Variants in FMN1 observed in about 807,000 individuals in gnomAD.
The protein encoded by FMN1 is formin-1.
In FMN1, 110 loss-of-function variants were observed where a neutral mutation model predicts 132.4. The observed-to-expected ratio is 0.83, with a 90% CI of 0.71 to 0.97. FMN1 has a LOEUF of 0.97. Among genes scored for constraint, FMN1 ranks in the 50% least tolerant of loss-of-function variants. FMN1 has a pLI of 0.00. For synonymous variants in FMN1, 722 were observed against 651.7 expected, an observed-to-expected ratio of 1.11 and a Z score of -1.64; for missense variants, 1,792 against 1,705.3, an observed-to-expected ratio of 1.05 and a Z score of -0.90.
At chr15:33,120,552 G>C (rs1902151) in intron 4 of FMN1, among the ~76,000 whole-genome samples, 48,033 of 152,040 alleles carry the variant, frequency 0.32, 9,379 homozygotes, top group South Asian at 0.42. Context: ...GCCAACCCCA[G>C]AGATTACTAT....
chr15:32,958,991 C>T (rs542087831), intron 9 of FMN1, among the ~76,000 whole-genome samples: 2 of 144,684 alleles, frequency 1.4e-5, no homozygotes, highest in South Asian at 4.5e-4. Flanking sequence ...TGCAGTGAGC[C>T]GAGATCACAC....
intron 5 of FMN1, among the ~76,000 whole-genome samples, chr15:33,077,339 CTT>C (rs1286397800): frequency 3.9e-5 from 5 of 128,032 alleles, no homozygotes; most frequent in South Asian, 2.7e-4. Flanking sequence ...CCGGCCCATC[CTT>C]TTTTTTTTTT....
chr15:32,776,679 C>T (rs950423460), intron 20 of FMN1, among the ~76,000 whole-genome samples, 156 bp downstream of exon 20: 1 of 148,848 alleles, frequency 6.7e-6, no homozygotes, highest in South Asian at 2.1e-4. Context: ...TACCTCCACC[C>T]ACACATACTT....
intron 19 of FMN1, among the ~76,000 whole-genome samples, chr15:32,785,503 C>T (rs1047511906): frequency 2.0e-5 from 3 of 151,844 alleles, no homozygotes; most frequent in Admixed American, 6.6e-5. Context: ...AGGTAACTGG[C>T]CCCTGAAAAT....
chr15:33,167,045 G>A (rs144411573), intron 3 of FMN1, among the ~76,000 whole-genome samples: 1 of 152,200 alleles, frequency 6.6e-6, no homozygotes, highest in East Asian at 1.9e-4. Flanking sequence ...TTTAGGTGAG[G>A]TAATGAAATG....
At chr15:32,997,446 G>A (rs2140891243) in intron 7 of FMN1, among the ~76,000 whole-genome samples, 1 of 152,054 alleles carries the variant, frequency 6.6e-6, no homozygotes, top group African/African-American at 2.4e-5. Context: ...ACTAGGCAGT[G>A]AATACATATC....
chr15:33,066,541 C>G (rs763584868), intron 5 of FMN1: 1 of 1,575,844 alleles, frequency 6.3e-7, no homozygotes, highest in South Asian at 1.2e-5. Flanking sequence ...CATCCGCTGG[C>G]TTAGAATTGG....
intron 6 of FMN1, among the ~76,000 whole-genome samples, chr15:33,023,904 T>G (rs1239891646): frequency 2.0e-5 from 3 of 152,120 alleles, no homozygotes; most frequent in Non-Finnish European, 4.4e-5. Flanking sequence ...AAGAATCACT[T>G]TTAGTGATTC....
Position 32,769,957 on chromosome 15 carries a change from C to T in FMN1, c.*4353G>A, listed in dbSNP as rs1285258081. The T allele has an allele frequency of 1.3e-5, 2 of 152,138 alleles. No individual in the cohort carries two copies. The highest frequency in any genetic ancestry group is 1.9e-4 in the East Asian group (1 of 5,200). 9.4% of individuals were successfully genotyped at this position (152,138 alleles called of 1,614,324 possible). ...GACAGGATAAAAGAAAAATGAAGCT[C>T]AAATATAACTGATGCTTGTTAGCAA... On this transcript the variant is annotated 3_prime_UTR_variant, in exon 21 of 21. Coordinates refer to ENST00000616417, the MANE Select transcript of FMN1 (RefSeq NM_001277313.2).
At chr15:32,907,401 T>C (rs995232648) in intron 12 of FMN1, among the ~76,000 whole-genome samples, 1 of 152,096 alleles carries the variant, frequency 6.6e-6, no homozygotes, top group Admixed American at 6.5e-5. Context: ...ATAGGGTTTG[T>C]GCTCCTATGA....
intron 7 of FMN1, among the ~76,000 whole-genome samples, chr15:33,000,938 A>C (rs1406108374): frequency 6.6e-6 from 1 of 152,228 alleles, no homozygotes; most frequent in African/African-American, 2.4e-5. Context: ...CCTGATATAA[A>C]GCACACAGGC....
At chr15:32,898,330 C>T (rs1331126839) in intron 15 of FMN1, among the ~76,000 whole-genome samples, 2 of 152,210 alleles carry the variant, frequency 1.3e-5, no homozygotes, top group Non-Finnish European at 2.9e-5. Flanking sequence ...ATAGAAAATT[C>T]TGCTCAGATG....
chr15:33,146,462 C>T (rs1158166604), intron 4 of FMN1, among the ~76,000 whole-genome samples: 2 of 152,140 alleles, frequency 1.3e-5, no homozygotes, highest in Non-Finnish European at 2.9e-5. Context: ...GTATCCCATA[C>T]ATCTCTGAAT....
At chr15:32,836,034 A>C (rs2058615356) in intron 17 of FMN1, among the ~76,000 whole-genome samples, 1 of 151,692 alleles carries the variant, frequency 6.6e-6, no homozygotes, top group African/African-American at 2.4e-5. Context: ...CCAGTTTTTA[A>C]AATTTTTTGT....
intron 5 of FMN1, among the ~76,000 whole-genome samples, chr15:33,087,051 A>G (rs1226687620): frequency 2.0e-5 from 3 of 152,226 alleles, no homozygotes; most frequent in Non-Finnish European, 4.4e-5. Flanking sequence ...AATGGCTAAA[A>G]AAAGAAAAAG....
intron 4 of FMN1, among the ~76,000 whole-genome samples, chr15:33,112,957 A>G (rs950238974): frequency 1.3e-5 from 2 of 152,144 alleles, no homozygotes; most frequent in African/African-American, 4.8e-5. Flanking sequence ...GAAGGCAGGG[A>G]AAGTCTAAGA....
At chr15:32,904,680 T>C (rs188004483) in intron 12 of FMN1, among the ~76,000 whole-genome samples, 63 of 152,264 alleles carry the variant, frequency 4.1e-4, no homozygotes, top group African/African-American at 1.4e-3. Context: ...ATATTGGGTA[T>C]AGCGAAAATA....
Position 32,956,298 on chromosome 15 carries a change from A to C in FMN1, c.3138+7809T>G, listed in dbSNP as rs137996908. On this transcript the variant is annotated intron_variant, in intron 9 of 20. Coordinates refer to ENST00000616417, the MANE Select transcript of FMN1 (RefSeq NM_001277313.2). ...GAAACATGGTTGAACTCCAAGAATA[A>C]TACTCAGATGCAGCATTCTGAAAGA... is the stretch of plus-strand genomic sequence containing the variant. Among the ~76,000 whole-genome samples, 305 of 152,284 alleles carry C rather than the reference A, an allele frequency of 2.0e-3. 1 individual carries two copies. Among genetic ancestry groups the C allele is most frequent in the African/African-American group, 7.2e-3 (298 of 41,568 alleles).
chr15:33,032,416 C>T (rs577952572), intron 6 of FMN1, among the ~76,000 whole-genome samples: 1 of 152,266 alleles, frequency 6.6e-6, no homozygotes, highest in African/African-American at 2.4e-5. Flanking sequence ...ATCCATTAAT[C>T]TTGTAATACT....
Sources: gnomAD v4.1 joint callset for allele counts (sites outside exome capture counted in the v4.1 genomes callset) on GRCh38, gnomAD v4.1.1 for gene constraint, MANE v1.5 for transcripts, NCBI Gene and HGNC (gene_info 2026-07-23, HGNC 2026-07-21) for gene names.